Variants in NOX4 observed in about 807,000 individuals in gnomAD.
NOX4 encodes the protein kidney oxidase-1.
A neutral mutation model predicts 87.6 loss-of-function variants in NOX4; 69 were observed. The observed-to-expected ratio is 0.79, with a 90% CI of 0.65 to 0.96. The LOEUF (loss-of-function observed/expected upper bound fraction) is 0.96, where lower values mean the gene tolerates loss of function less well. Among genes scored for constraint, NOX4 ranks in the 40% least tolerant of loss-of-function variants. The pLI is 0.00. For synonymous variants in NOX4, 275 were observed against 238.2 expected (o/e 1.15, Z -1.42); for missense variants, 680 against 681.5 (o/e 1.00, Z 0.02).
At chr11:89,501,619 T>TA (rs1398438428), upstream of NOX4, among the ~76,000 whole-genome samples, 9 of 152,068 alleles carry the variant, frequency 5.9e-5, no homozygotes, top group African/African-American at 1.9e-4. Flanking sequence ...ACGACCTTTG[T>TA]TGTTAGCTCT....
intron 7 of NOX4, among the ~76,000 whole-genome samples, chr11:89,424,869 A>C (rs1269569589): frequency 6.6e-6 from 1 of 152,144 alleles, no homozygotes. Context: ...GGTAAAAAGA[A>C]AAGGTAAAAT....
At chr11:89,332,343 G>A (rs937134406) in intron 17 of NOX4, among the ~76,000 whole-genome samples, 4 of 151,794 alleles carry the variant, frequency 2.6e-5, no homozygotes, top group African/African-American at 7.3e-5. Flanking sequence ...TCCCAGAGTA[G>A]TAATTCTCTA....
chr11:89,493,807 T>C (rs1006892732), upstream of NOX4, among the ~76,000 whole-genome samples: 2 of 151,480 alleles, frequency 1.3e-5, no homozygotes, highest in Non-Finnish European at 2.9e-5. Flanking sequence ...TGGAGTGCAA[T>C]GTCGTAATCT....
upstream of NOX4, among the ~76,000 whole-genome samples, chr11:89,493,060 T>A (rs1023574115): frequency 6.6e-6 from 1 of 152,178 alleles, no homozygotes; most frequent in Non-Finnish European, 1.5e-5. Flanking sequence ...ATAGTAGCCC[T>A]CCATGTGCGT....
At chr11:89,358,406 A>G (rs942240837) in intron 12 of NOX4, among the ~76,000 whole-genome samples, 2 of 133,418 alleles carry the variant, frequency 1.5e-5, no homozygotes, top group Non-Finnish European at 3.3e-5. Flanking sequence ...AAAAAAAAAA[A>G]GAAAAGAAAA....
At chr11:89,549,620 C>T in the NOX4 span, among the ~76,000 whole-genome samples, 1 of 152,208 alleles carries the variant, frequency 6.6e-6, no homozygotes, top group Non-Finnish European at 1.5e-5. Context: ...AGGTATTTCT[C>T]TTAATACTAT....
intron 2 of NOX4, among the ~76,000 whole-genome samples, chr11:89,464,785 C>T (rs936061028): frequency 6.6e-6 from 1 of 152,086 alleles, no homozygotes; most frequent in African/African-American, 2.4e-5. Flanking sequence ...TTTAAAACTA[C>T]AAATAGATTT....
intron 11 of NOX4, among the ~76,000 whole-genome samples, chr11:89,399,293 T>TAACA (rs1941679201): frequency 7.3e-5 from 11 of 150,926 alleles, no homozygotes; most frequent in African/African-American, 2.7e-4. Flanking sequence ...ACTGCCTGTT[T>TAACA]TGTTTAATGT....
the NOX4 span, among the ~76,000 whole-genome samples, chr11:89,565,693 A>C: frequency 6.6e-6 from 1 of 152,124 alleles, no homozygotes; most frequent in Non-Finnish European, 1.5e-5. Context: ...AACCTGCACA[A>C]TGTGCGCATG....
Position 89,449,602 on chromosome 11 carries a change from A to G in NOX4, c.265-78T>C, listed in dbSNP as rs1944864107. 4.3e-6 allele frequency: 5 copies of G among 1,152,136 alleles called. No homozygotes were observed. The South Asian group carries it at 5.7e-5, about 13-fold the overall frequency. The allele number at this position is 1,152,136 out of a possible 1,614,324, so 71.4% of individuals were successfully genotyped here. A position where few individuals can be genotyped will look rare whatever the true frequency, so the allele number is the denominator to read the frequency against. ...GTTTTTCAGTATAGCATTGTTCATTATGTCAAAATTTTTAAAATATGGCGG... is the reference window on the plus strand; with the variant it reads ...GTTTTTCAGTATAGCATTGTTCATTGTGTCAAAATTTTTAAAATATGGCGG... On this transcript the variant is annotated intron_variant, in intron 3 of 17. Transcript: ENST00000263317.
At chr11:89,393,090 G>A (rs1565231087) in intron 11 of NOX4, among the ~76,000 whole-genome samples, 1 of 152,138 alleles carries the variant, frequency 6.6e-6, no homozygotes, top group Non-Finnish European at 1.5e-5. Flanking sequence ...TAATGCGGTG[G>A]TTGTCAACTG....
chr11:89,365,455 G>GAAA (rs11337701), intron 12 of NOX4, among the ~76,000 whole-genome samples: 1 of 147,326 alleles, frequency 6.8e-6, no homozygotes, highest in Non-Finnish European at 1.5e-5. Flanking sequence ...AAGAGGGTGG[G>GAAA]AAAAAAAAAA....
Position 89,442,772 on chromosome 11 carries a change from T to G in NOX4, c.447+1363A>C, listed in dbSNP as rs78372143. Among the ~76,000 whole-genome samples, 642 of 152,278 alleles carry G rather than the reference T, an allele frequency of 4.2e-3. 36 individuals carry two copies. In the East Asian group the frequency reaches 0.11, roughly 26 times the overall value. On this transcript the variant is annotated intron_variant, in intron 5 of 17. Coordinates refer to ENST00000263317, the MANE Select transcript of NOX4 (RefSeq NM_016931.5). ...AAATAAATTTAATAACTGAAAATTT[T>G]GAAATCACTAAAAATATTGGAACTT...
At chr11:89,379,842 T>G (rs1007718670) in intron 11 of NOX4, among the ~76,000 whole-genome samples, 3 of 152,142 alleles carry the variant, frequency 2.0e-5, no homozygotes, top group Admixed American at 1.3e-4. Flanking sequence ...CTGGTCAAAA[T>G]CATCATCATA....
intron 5 of NOX4, among the ~76,000 whole-genome samples, chr11:89,442,558 A>G (rs577589688): frequency 7.2e-5 from 11 of 152,326 alleles, no homozygotes; most frequent in Admixed American, 5.9e-4. Flanking sequence ...TTGATACAAT[A>G]AGCTATAAAA....
At chr11:89,487,878 T>C (rs1011113797) in intron 2 of NOX4, among the ~76,000 whole-genome samples, 2 of 152,156 alleles carry the variant, frequency 1.3e-5, no homozygotes, top group Admixed American at 6.5e-5. Flanking sequence ...ACACTTATTA[T>C]AAGATTAGAA....
chr11:89,357,825 A>G (rs1484814283), intron 12 of NOX4, among the ~76,000 whole-genome samples: 1 of 152,094 alleles, frequency 6.6e-6, no homozygotes, highest in Admixed American at 6.6e-5. Context: ...TTTTTACATA[A>G]CCATAAAGGA....
upstream of NOX4, among the ~76,000 whole-genome samples, chr11:89,502,316 T>A (rs1309136391): frequency 6.6e-6 from 1 of 151,970 alleles, no homozygotes; most frequent in Non-Finnish European, 1.5e-5. Context: ...CCTACTCAGG[T>A]AGGTGTGGGC....
chr11:89,571,500 T>C, the NOX4 span, among the ~76,000 whole-genome samples: 1 of 152,070 alleles, frequency 6.6e-6, no homozygotes, highest in Non-Finnish European at 1.5e-5. Context: ...TTTCACCACA[T>C]TGGCCAGGCT....
Sources: allele counts gnomAD v4.1 joint callset (sites outside exome capture counted in the v4.1 genomes callset), GRCh38; gene constraint gnomAD v4.1.1; transcripts MANE v1.5; gene names NCBI Gene and HGNC (gene_info 2026-07-23, HGNC 2026-07-21).